Variants in SRC observed in about 807,000 individuals in gnomAD.
SRC encodes SRC proto-oncogene, non-receptor tyrosine kinase, also known as proto-oncogene tyrosine-protein kinase Src.
Under a neutral mutation model 62.9 loss-of-function variants are expected in SRC, and 13 were observed. The observed-to-expected ratio is 0.21, with a 90% CI of 0.13 to 0.33. The LOEUF (loss-of-function observed/expected upper bound fraction) is 0.33, where lower values mean the gene tolerates loss of function less well. Ranked by LOEUF, SRC falls within the 10% of genes least tolerant of loss-of-function variation. The pLI is 1.00. For missense variants in SRC, 457 were observed against 737.3 expected (o/e 0.62, Z 4.40); for synonymous variants, 302 against 317.5 (o/e 0.95, Z 0.52).
At chr20:37,369,646 G>A (rs1290556166) in intron 2 of SRC, among the ~76,000 whole-genome samples, 1 of 151,862 alleles carries the variant, frequency 6.6e-6, no homozygotes, top group African/African-American at 2.4e-5. Context: ...GTTCCTAATT[G>A]TCCGGGCTAG....
chr20:37,386,193 A>T lies in SRC; in HGVS notation c.350+19A>T. On this transcript the variant is annotated intron_variant, in intron 5 of 13. Transcript: ENST00000373578. Reference sequence around the variant, plus strand: ...ACAACACGTGAGTGCCCCCTTCCCTATTGCCCCTCAGGGCTGGGTGGTGGG... The same window carrying T: ...ACAACACGTGAGTGCCCCCTTCCCTTTTGCCCCTCAGGGCTGGGTGGTGGG... 1 of 1,610,968 alleles carries T rather than the reference A, an allele frequency of 6.2e-7. No homozygotes were observed. Among genetic ancestry groups the T allele is most frequent in the Non-Finnish European group, 8.5e-7 (1 of 1,177,264 alleles).
intron 2 of SRC, among the ~76,000 whole-genome samples, chr20:37,379,654 G>A (rs1377403115): frequency 6.6e-6 from 1 of 150,750 alleles, no homozygotes; most frequent in Non-Finnish European, 1.5e-5. Context: ...AACCTGGGAG[G>A]CGAAGGGTGC....
intron 1 of SRC, among the ~76,000 whole-genome samples, chr20:37,361,180 T>A (rs1329336924): frequency 6.6e-6 from 1 of 152,092 alleles, no homozygotes; most frequent in Non-Finnish European, 1.5e-5. Context: ...TAGAGGGTAG[T>A]TACGAGTTTA....
intron 5 of SRC, among the ~76,000 whole-genome samples, chr20:37,392,598 C>T (rs1224725408): frequency 4.6e-5 from 7 of 152,202 alleles, no homozygotes; most frequent in African/African-American, 1.7e-4. Flanking sequence ...CCTGCTGCAA[C>T]CTGCAGGGGG....
At chr20:37,385,952 G>A in intron 4 of SRC, 123 bp from the exon 5 acceptor site, 1 of 752,294 alleles carries the variant, frequency 1.3e-6, no homozygotes, top group Non-Finnish European at 2.3e-6. Context: ...ACCTGACTGT[G>A]TCTTTGGGCT....
rs2070106028 is a variant in SRC, at chr20:37,368,528, T to TG, written c.-173+3251_-173+3252insG. Among the ~76,000 whole-genome samples, 11 of 124,626 alleles carry TG rather than the reference T, an allele frequency of 8.8e-5. No individual in the cohort carries two copies. The South Asian group carries it at 9.9e-4, about 11-fold the overall frequency. 81.8% of individuals were successfully genotyped at this position (124,626 alleles called of 152,430 possible). A position where few individuals can be genotyped will look rare whatever the true frequency, so the allele number is the denominator to read the frequency against. ...TTATGCCTATATTTTCTTTTTTTTTTTTTTTTTTTTTTTTTGTTTTTTTTT... is the reference window on the plus strand; with the variant it reads ...TTATGCCTATATTTTCTTTTTTTTTTGTTTTTTTTTTTTTTTGTTTTTTTTT... On this transcript the variant is annotated intron_variant, in intron 2 of 13. Transcript: ENST00000373578.
rs1306417382 is a variant in SRC at position 37,384,147 on chromosome 20, C to T, written c.-4-3C>T. The T allele has an allele frequency of 1.2e-6, 2 of 1,600,514 alleles. No homozygotes were observed. Among genetic ancestry groups the T allele is most frequent in the Non-Finnish European group, 1.7e-6 (2 of 1,176,760 alleles). ...TTCCAGTGTCTTCTCTCTCTCCTGC[C>T]AGGACCATGGGTAGCAACAAGAGCA... is the stretch of plus-strand genomic sequence containing the variant. On this transcript the variant is annotated splice_polypyrimidine_tract_variant and splice_region_variant and intron_variant, in intron 3 of 13. Coordinates refer to ENST00000373578, the MANE Select transcript of SRC (RefSeq NM_198291.3). The surrounding 1 kb of genome is among the most constrained non-coding windows in gnomAD (Gnocchi z 6.7).
At chr20:37,390,698 C>T (rs1216338614) in intron 5 of SRC, among the ~76,000 whole-genome samples, 5 of 152,172 alleles carry the variant, frequency 3.3e-5, no homozygotes, top group Non-Finnish European at 7.3e-5. Context: ...AGCCACCGTG[C>T]GCTGTCTGTT....
In SRC at chr20:37,384,282, G is replaced by A; in HGVS notation, c.129G>A (p.Ser43=). ...PASQTPSKPA[S]ADGHRGPSAA... ...CGCAGACCCCCAGCAAGCCAGCCTC[G>A]GCCGACGGCCACCGCGGCCCCAGCG... Residue 43 remains serine (S), a synonymous_variant, in exon 4 of 14, where the codon TCG becomes TCA. Coordinates refer to ENST00000373578, the MANE Select transcript of SRC (RefSeq NM_198291.3). This position sits in a 1 kb window ranked among gnomAD's most constrained non-coding sequence, Gnocchi z 6.7. 1 of 1,516,036 alleles carries A rather than the reference G, an allele frequency of 6.6e-7. No homozygotes were observed. Among genetic ancestry groups the A allele is most frequent in the South Asian group, 1.2e-5 (1 of 81,922 alleles). 93.9% of individuals were successfully genotyped at this position (1,516,036 alleles called of 1,614,324 possible).
At position 37,397,741 on chromosome 20, in the gene SRC, C is replaced by T; in HGVS notation, c.746C>T (p.Pro249Leu). Reference sequence around the variant, plus strand: ...TGCCACCGCCTCACCACCGTGTGCCCCACGTCCAAGCCGCAGACTCAGGGC... The same window carrying T: ...TGCCACCGCCTCACCACCGTGTGCCTCACGTCCAAGCCGCAGACTCAGGGC... Reference protein sequence around the residue: ...GLCHRLTTVCPTSKPQTQGLA... With the variant: ...GLCHRLTTVCLTSKPQTQGLA... The change falls in exon 9 of 14, where the codon CCC becomes CTC. Residue 249 changes from proline to leucine, a missense_variant. This residue lies in a region of SRC where 141 missense variants were observed against 198.4 expected (regional missense o/e 0.71). Transcript: ENST00000373578. This position sits in a 1 kb window ranked among gnomAD's most constrained non-coding sequence, Gnocchi z 4.1. The T allele has an allele frequency of 6.2e-7, 1 of 1,608,710 alleles. No homozygotes were observed. The highest frequency in any genetic ancestry group is 2.2e-5 in the East Asian group (1 of 44,772).
At chr20:37,377,348 T>C (rs1462618591) in intron 2 of SRC, among the ~76,000 whole-genome samples, 1 of 152,246 alleles carries the variant, frequency 6.6e-6, no homozygotes. Flanking sequence ...AAAATGTAGC[T>C]ACTAAGAAGT....
At chr20:37,355,765 A>G (rs1001174164) in intron 1 of SRC, among the ~76,000 whole-genome samples, 8 of 152,150 alleles carry the variant, frequency 5.3e-5, no homozygotes, top group African/African-American at 1.9e-4. Flanking sequence ...AAAAAAAAGA[A>G]GGGTGAGGGT....
At chr20:37,353,752 T>A (rs1486148518) in intron 1 of SRC, among the ~76,000 whole-genome samples, 1 of 152,134 alleles carries the variant, frequency 6.6e-6, no homozygotes. Flanking sequence ...CTGCCCCGCC[T>A]CATCTGGGCT....
chr20:37,400,597 G>A (rs113196548), intron 10 of SRC, among the ~76,000 whole-genome samples: 2 of 152,216 alleles, frequency 1.3e-5, no homozygotes, highest in African/African-American at 4.8e-5. Context: ...GCCCAGGCTG[G>A]TCTCGAACTC....
chr20:37,403,449 C>A lies in SRC; in HGVS notation c.*70C>A. 6.9e-7 allele frequency: 1 copy of A among 1,457,630 alleles called. No individual in the cohort carries two copies. The highest frequency in any genetic ancestry group is 9.2e-7 in the Non-Finnish European group (1 of 1,086,282). The allele number at this position is 1,457,630 out of a possible 1,614,324, so 90.3% of individuals were successfully genotyped here. On this transcript the variant is annotated 3_prime_UTR_variant, in exon 14 of 14. Coordinates refer to ENST00000373578, the MANE Select transcript of SRC (RefSeq NM_198291.3). This position sits in a 1 kb window ranked among gnomAD's most constrained non-coding sequence, Gnocchi z 7.1. ...GGGTGGCCCCTGTCTCGGGGCTTGCCCCACTCTGCCTGCCTGCTGTTGGTC... is the reference window on the plus strand; with the variant it reads ...GGGTGGCCCCTGTCTCGGGGCTTGCACCACTCTGCCTGCCTGCTGTTGGTC...
In SRC at chr20:37,405,980, C is replaced by T. The variant is rs975890266; in HGVS notation, c.*2601C>T. 10 of 152,274 alleles carry T rather than the reference C, an allele frequency of 6.6e-5. No individual in the cohort carries two copies. The highest frequency in any genetic ancestry group is 1.9e-4 in the African/African-American group (8 of 41,446). 9.4% of individuals were successfully genotyped at this position (152,274 alleles called of 1,614,324 possible). Reference sequence around the variant, plus strand: ...TATTTTACACAAATATACATCAGATCACACACCTGTGCACCGGAGTCAACT... The same window carrying T: ...TATTTTACACAAATATACATCAGATTACACACCTGTGCACCGGAGTCAACT... On this transcript the variant is annotated 3_prime_UTR_variant, in exon 14 of 14. Coordinates refer to ENST00000373578, the MANE Select transcript of SRC (RefSeq NM_198291.3).
At chr20:37,383,913 T>C (rs2070402867) in intron 3 of SRC, among the ~76,000 whole-genome samples, 1 of 151,324 alleles carries the variant, frequency 6.6e-6, no homozygotes, top group Admixed American at 6.6e-5. Context: ...TTTTTTTTTT[T>C]CAAGTAGAGC....
intron 2 of SRC, among the ~76,000 whole-genome samples, chr20:37,381,726 A>C (rs1200087268): frequency 1.3e-5 from 2 of 152,122 alleles, no homozygotes; most frequent in Non-Finnish European, 2.9e-5. Context: ...GCTGCAGGTA[A>C]CCAGGTCAGC....
intron 1 of SRC, among the ~76,000 whole-genome samples, chr20:37,350,210 T>C (rs1329504893): frequency 6.6e-6 from 1 of 152,208 alleles, no homozygotes; most frequent in Non-Finnish European, 1.5e-5. Flanking sequence ...TGGGGGCCAC[T>C]TCCTCTGGGG....
Sources: gnomAD v4.1 joint callset for allele counts (sites outside exome capture counted in the v4.1 genomes callset) on GRCh38, gnomAD v4.1.1 for gene constraint, gnomAD v4.1.1 regional missense constraint, Gnocchi (gnomAD v3.1) non-coding constraint, MANE v1.5 for transcripts, NCBI Gene and HGNC (gene_info 2026-07-23, HGNC 2026-07-21) for gene names.